TBC1D19: variants seen among roughly 807,000 people sequenced by gnomAD.
The protein encoded by TBC1D19 is TBC1 domain family, member 19.
In TBC1D19, 60 loss-of-function variants were observed where a neutral mutation model predicts 89.0. The observed-to-expected ratio is 0.67, with a 90% confidence interval of 0.55 to 0.84. The LOEUF (loss-of-function observed/expected upper bound fraction) is 0.84. Among genes scored for constraint, TBC1D19 ranks in the 40% least tolerant of loss-of-function variants. The pLI, the probability that TBC1D19 is intolerant of heterozygous loss-of-function variation, is 0.00. For missense variants in TBC1D19, 500 were observed against 610.8 expected (o/e 0.82, Z 1.91); for synonymous variants, 189 against 199.7 (o/e 0.95, Z 0.45).
intron 1 of TBC1D19, among the ~76,000 whole-genome samples, chr4:26,586,978 T>C (rs1421629986): frequency 3.3e-5 from 5 of 152,220 alleles, no homozygotes; most frequent in Non-Finnish European, 7.4e-5. Context: ...ATGCCTCCAG[T>C]GCAATGTTTT....
At chr4:26,757,325 A>G (rs755695000), downstream of TBC1D19, among the ~76,000 whole-genome samples, 2 of 151,968 alleles carry the variant, frequency 1.3e-5, no homozygotes, top group South Asian at 4.1e-4. Flanking sequence ...TGTCCGCTCC[A>G]TCTTTAACCA....
chr4:26,708,864 A>G (rs1715941651), intron 13 of TBC1D19, among the ~76,000 whole-genome samples: 2 of 151,496 alleles, frequency 1.3e-5, no homozygotes, highest in Admixed American at 1.3e-4. Flanking sequence ...TTTTGTTCAT[A>G]TATTTTTTCT....
the TBC1D19 span, among the ~76,000 whole-genome samples, chr4:26,791,864 T>C: frequency 6.6e-6 from 1 of 152,230 alleles, no homozygotes; most frequent in African/African-American, 2.4e-5. Flanking sequence ...ATGTCAGGTA[T>C]GCAGTTGGAT....
the TBC1D19 span, among the ~76,000 whole-genome samples, chr4:26,771,735 A>G: frequency 6.6e-6 from 1 of 152,208 alleles, no homozygotes; most frequent in Non-Finnish European, 1.5e-5. Context: ...GATCTGCTTC[A>G]CAACATTGTG....
Position 26,742,535 on chromosome 4 carries a change from G to C in TBC1D19, c.1255G>C (p.Glu419Gln). Reference sequence around the variant, plus strand: ...TATTGTGTCACTCTGTCTGCTGTTTGAAACTCTTCTTCAAACTTATCTTCC... The same window carrying C: ...TATTGTGTCACTCTGTCTGCTGTTTCAAACTCTTCTTCAAACTTATCTTCC... ...SGIVSLCLLF[E>Q]TLLQTYLPQL... The change falls in exon 18 of 21, where the codon GAA (glutamate) becomes CAA (glutamine). Residue 419 changes from glutamate (E) to glutamine (Q), a missense_variant. Around this residue, in one of 2 missense-constraint regions of TBC1D19, gnomAD observed 220 missense variants for 319.1 expected, o/e 0.69. Coordinates refer to ENST00000264866, the MANE Select transcript of TBC1D19 (RefSeq NM_018317.4). 6.2e-7 allele frequency: 1 copy of C among 1,611,948 alleles called. No individual in the cohort carries two copies. Among genetic ancestry groups the C allele is most frequent in the Non-Finnish European group, 8.5e-7 (1 of 1,178,852 alleles).
chr4:26,689,735 A>C (rs1349784783), intron 13 of TBC1D19, among the ~76,000 whole-genome samples: 1 of 152,174 alleles, frequency 6.6e-6, no homozygotes, highest in Non-Finnish European at 1.5e-5. Context: ...TGATAAATGC[A>C]TGTGTTCTGA....
the TBC1D19 span, among the ~76,000 whole-genome samples, chr4:26,796,306 T>C: frequency 1.3e-5 from 2 of 152,340 alleles, no homozygotes; most frequent in Admixed American, 6.5e-5. Context: ...TTACCAGCAA[T>C]GTGAGAGTGT....
chr4:26,765,762 C>T, the TBC1D19 span, among the ~76,000 whole-genome samples: 1 of 152,134 alleles, frequency 6.6e-6, no homozygotes, highest in Non-Finnish European at 1.5e-5. Flanking sequence ...TCTATCACTA[C>T]ACTAGTTTGG....
the TBC1D19 span, among the ~76,000 whole-genome samples, chr4:26,809,484 C>T: frequency 6.6e-6 from 1 of 152,224 alleles, no homozygotes; most frequent in Admixed American, 6.5e-5. Flanking sequence ...CTCAACTTCC[C>T]TCAAAAATGT....
chr4:26,842,600 C>CTT, the TBC1D19 span, among the ~76,000 whole-genome samples: 2 of 116,736 alleles, frequency 1.7e-5, no homozygotes, highest in African/African-American at 3.4e-5. Context: ...TTCTTTCTTT[C>CTT]TTTCTTTCTT....
chr4:26,703,972 AAAAAG>A (rs1230975808), intron 13 of TBC1D19, among the ~76,000 whole-genome samples: 1 of 150,722 alleles, frequency 6.6e-6, no homozygotes, highest in African/African-American at 2.4e-5. Flanking sequence ...AAAAAAAAAA[AAAAAG>A]AAAAAAGAAA....
At chr4:26,664,619 G>A (rs1711615530) in intron 8 of TBC1D19, among the ~76,000 whole-genome samples, 1 of 150,426 alleles carries the variant, frequency 6.6e-6, no homozygotes, top group Admixed American at 6.6e-5. Flanking sequence ...GGTAACATAA[G>A]ATGCAGTACT....
intron 3 of TBC1D19, among the ~76,000 whole-genome samples, chr4:26,617,801 G>C (rs1197872501): frequency 6.6e-6 from 1 of 152,236 alleles, no homozygotes; most frequent in East Asian, 1.9e-4. Context: ...GGAACATAAA[G>C]AAGTAAATAA....
At chr4:26,736,640 G>A (rs944860662) in intron 16 of TBC1D19, among the ~76,000 whole-genome samples, 1 of 152,134 alleles carries the variant, frequency 6.6e-6, no homozygotes, top group Non-Finnish European at 1.5e-5. Flanking sequence ...GCTCTAATAG[G>A]TGTAAAATCA....
chr4:26,618,912 A>G (rs1261209622), intron 3 of TBC1D19, among the ~76,000 whole-genome samples: 2 of 152,192 alleles, frequency 1.3e-5, no homozygotes, highest in Non-Finnish European at 2.9e-5. Context: ...AGTGTGCTGT[A>G]TAAGTTTCTG....
At chr4:26,812,830 G>GTA in the TBC1D19 span, among the ~76,000 whole-genome samples, 3 of 150,274 alleles carry the variant, frequency 2.0e-5, no homozygotes, top group East Asian at 1.9e-4. This position sits in a 1 kb window ranked among gnomAD's most constrained non-coding sequence, Gnocchi z 4.2. Flanking sequence ...GTCTATATAT[G>GTA]TATATATATG....
the TBC1D19 span, among the ~76,000 whole-genome samples, chr4:26,855,225 A>G: frequency 6.6e-6 from 1 of 152,178 alleles, no homozygotes; most frequent in Admixed American, 6.5e-5. Flanking sequence ...CCTATTTTCT[A>G]GAGAACTTTT....
the TBC1D19 span, among the ~76,000 whole-genome samples, chr4:26,765,263 A>G: frequency 6.6e-6 from 1 of 152,278 alleles, no homozygotes; most frequent in East Asian, 1.9e-4. Flanking sequence ...ATTGAGGAGT[A>G]AGGTTGGTGC....
intron 1 of TBC1D19, among the ~76,000 whole-genome samples, chr4:26,585,387 T>G (rs1739349331): frequency 6.6e-6 from 1 of 152,184 alleles, no homozygotes; most frequent in South Asian, 2.1e-4. Flanking sequence ...GTAGCTTTTA[T>G]TGCATTTCCC....
Sources: allele counts gnomAD v4.1 joint callset (sites outside exome capture counted in the v4.1 genomes callset), GRCh38; gene constraint gnomAD v4.1.1; regional missense constraint gnomAD v4.1.1; non-coding constraint Gnocchi (gnomAD v3.1); transcripts MANE v1.5; gene names NCBI Gene and HGNC (gene_info 2026-07-23, HGNC 2026-07-21).